REDIC1: variants seen among roughly 807,000 people sequenced by gnomAD.
REDIC1 encodes the protein HEI10 Interacting Protein 1.
At chr12:39,686,967 A>T in the REDIC1 span, among the ~76,000 whole-genome samples, 3 of 152,190 alleles carry the variant, frequency 2.0e-5, no homozygotes, top group Non-Finnish European at 2.9e-5. Flanking sequence ...AGTGCTGCCA[A>T]GTTCTTTGCT....
the REDIC1 span, among the ~76,000 whole-genome samples, chr12:39,682,350 A>G: frequency 3.9e-5 from 6 of 152,246 alleles, no homozygotes; most frequent in Admixed American, 1.3e-4. Context: ...GTCATGTTTT[A>G]ATTAAACCTC....
At chr12:39,712,224 A>C in the REDIC1 span, among the ~76,000 whole-genome samples, 2 of 142,984 alleles carry the variant, frequency 1.4e-5, no homozygotes, top group African/African-American at 5.1e-5. Flanking sequence ...ATATACATGT[A>C]TATATACCTA....
chr12:39,849,209 G>A, the REDIC1 span, among the ~76,000 whole-genome samples: 7 of 151,972 alleles, frequency 4.6e-5, no homozygotes, highest in African/African-American at 1.7e-4. Flanking sequence ...AGAAAAACAA[G>A]TGGGAAAGAG....
chr12:39,881,491 C>T, the REDIC1 span, among the ~76,000 whole-genome samples: 390 of 152,262 alleles, frequency 2.6e-3, 2 homozygotes, highest in Non-Finnish European at 3.5e-3. Context: ...CTTTTCACCT[C>T]GCCTCATCAT....
chr12:39,692,100 A>G, the REDIC1 span: 7 of 1,575,994 alleles, frequency 4.4e-6, no homozygotes, highest in Non-Finnish European at 5.2e-6. Flanking sequence ...GCGAATATCT[A>G]CTAAGAAAAT....
the REDIC1 span, among the ~76,000 whole-genome samples, chr12:39,679,679 G>A: frequency 7.2e-5 from 11 of 152,048 alleles, no homozygotes; most frequent in Admixed American, 5.9e-4. Context: ...ACCCCACAGA[G>A]CCAAAGGAAG....
the REDIC1 span, among the ~76,000 whole-genome samples, chr12:39,671,670 C>A: frequency 6.6e-6 from 1 of 152,030 alleles, no homozygotes; most frequent in African/African-American, 2.4e-5. Context: ...ATAGTGGTAG[C>A]TTTGACAGGT....
chr12:39,779,502 A>G, the REDIC1 span, among the ~76,000 whole-genome samples: 2 of 152,198 alleles, frequency 1.3e-5, no homozygotes, highest in African/African-American at 4.8e-5. Flanking sequence ...CAGGCGTCAT[A>G]GGCCAGCACT....
the REDIC1 span, among the ~76,000 whole-genome samples, chr12:39,707,992 A>G: frequency 1.3e-5 from 2 of 151,832 alleles, no homozygotes; most frequent in African/African-American, 4.8e-5. Context: ...GGGTAGAAGA[A>G]TGGTTACTAG....
the REDIC1 span, among the ~76,000 whole-genome samples, chr12:39,752,985 C>T: frequency 3.3e-5 from 5 of 152,148 alleles, no homozygotes; most frequent in Admixed American, 6.5e-5. Flanking sequence ...CAGCAGGTGG[C>T]GAGGCCCGCA....
the REDIC1 span, among the ~76,000 whole-genome samples, chr12:39,674,536 C>A: frequency 6.6e-6 from 1 of 152,154 alleles, no homozygotes; most frequent in Admixed American, 6.5e-5. Flanking sequence ...GCTTGCTCTG[C>A]AAACTCCATG....
chr12:39,649,946 C>T, the REDIC1 span, among the ~76,000 whole-genome samples: 7 of 151,458 alleles, frequency 4.6e-5, no homozygotes, highest in African/African-American at 7.3e-5. Context: ...ATCTTGGTGT[C>T]CTGGGTGTTT....
the REDIC1 span, among the ~76,000 whole-genome samples, chr12:39,739,258 C>A: frequency 6.6e-6 from 1 of 152,238 alleles, no homozygotes; most frequent in Admixed American, 6.5e-5. Context: ...AGAGGACCTA[C>A]CATATGGAAA....
At chr12:39,817,509 T>C in the REDIC1 span, among the ~76,000 whole-genome samples, 1 of 152,174 alleles carries the variant, frequency 6.6e-6, no homozygotes, top group Non-Finnish European at 1.5e-5. Flanking sequence ...GAAATGAAAC[T>C]TTTGCATCAT....
chr12:39,830,392 G>C, the REDIC1 span: 1 of 1,375,876 alleles, frequency 7.3e-7, no homozygotes, highest in Non-Finnish European at 9.4e-7. Context: ...AGCCAGGTGA[G>C]AGCTGGCTGG....
chr12:39,665,594 T>C, the REDIC1 span, among the ~76,000 whole-genome samples: 8 of 150,648 alleles, frequency 5.3e-5, no homozygotes, highest in Non-Finnish European at 8.9e-5. Context: ...AAGTAGTTTT[T>C]TCCAATTCTG....
the REDIC1 span, among the ~76,000 whole-genome samples, chr12:39,711,695 G>A: frequency 1.2e-4 from 5 of 40,946 alleles, no homozygotes; most frequent in African/African-American, 3.0e-4. Context: ...ACATGTATGT[G>A]TATGTGTATA....
chr12:39,748,426 C>A, the REDIC1 span, among the ~76,000 whole-genome samples: 1 of 152,164 alleles, frequency 6.6e-6, no homozygotes, highest in Non-Finnish European at 1.5e-5. Context: ...AAAGCAAGTT[C>A]TTAGAGACCT....
At chr12:39,839,389 T>C in the REDIC1 span, among the ~76,000 whole-genome samples, 1 of 152,100 alleles carries the variant, frequency 6.6e-6, no homozygotes, top group South Asian at 2.1e-4. Flanking sequence ...GACACGTGAG[T>C]AAATAGTTGG....
Sources: gnomAD v4.1 joint callset for allele counts (sites outside exome capture counted in the v4.1 genomes callset) on GRCh38, gnomAD v4.1.1 for gene constraint, MANE v1.5 for transcripts, NCBI Gene and HGNC (gene_info 2026-07-23, HGNC 2026-07-21) for gene names.